NALF1: variants seen among roughly 807,000 people sequenced by gnomAD.
NALF1 encodes the protein NALCN channel auxiliary factor 1, also known as family with sequence similarity 155 member A.
In NALF1, 3 loss-of-function variants were observed where a neutral mutation model predicts 48.4. The observed-to-expected ratio is 0.06, with a 90% CI of 0.03 to 0.16. NALF1 has a LOEUF of 0.16. NALF1 is among the 10% of genes least tolerant of loss of function. The pLI, the probability that NALF1 is intolerant of heterozygous loss-of-function variation, is 1.00. For missense variants in NALF1, 526 were observed against 571.5 expected, an observed-to-expected ratio of 0.92 and a Z score of 0.81; for synonymous variants, 262 against 245.7, an observed-to-expected ratio of 1.07 and a Z score of -0.62.
intron 1 of NALF1, among the ~76,000 whole-genome samples, chr13:107,832,903 C>T (rs927960498): frequency 4.6e-5 from 7 of 152,298 alleles, no homozygotes; most frequent in African/African-American, 1.4e-4. Context: ...CAGTAGTTTC[C>T]CAATGCCCTT....
chr13:107,497,211 A>T (rs927006716), intron 1 of NALF1, among the ~76,000 whole-genome samples: 3 of 152,204 alleles, frequency 2.0e-5, no homozygotes, highest in Non-Finnish European at 4.4e-5. Flanking sequence ...ATATCTCAGA[A>T]CATGAATGAA....
At chr13:107,685,237 C>T (rs1881406828) in intron 1 of NALF1, among the ~76,000 whole-genome samples, 1 of 152,048 alleles carries the variant, frequency 6.6e-6, no homozygotes, top group African/African-American at 2.4e-5. Context: ...TTGCTTGAAC[C>T]CAGGAAGCCG....
At chr13:107,707,366 G>A (rs61966030) in intron 1 of NALF1, among the ~76,000 whole-genome samples, 11,937 of 152,238 alleles carry the variant, frequency 0.078, 526 homozygotes, top group South Asian at 0.14. Flanking sequence ...TAGATTTTAT[G>A]TGCAATAGGA....
chr13:107,176,295 CA>C, intron 2 of NALF1, among the ~76,000 whole-genome samples: 1 of 145,936 alleles, frequency 6.9e-6, no homozygotes, highest in African/African-American at 2.5e-5. Context: ...TGCTGTTTGA[CA>C]TTACAGTACC....
chr13:107,404,623 A>G (rs1268768574), intron 1 of NALF1, among the ~76,000 whole-genome samples: 2 of 152,098 alleles, frequency 1.3e-5, no homozygotes, highest in African/African-American at 4.8e-5. Context: ...GATGTCAGAG[A>G]TGATATTAGA....
At chr13:107,774,139 T>C (rs1382990732) in intron 1 of NALF1, among the ~76,000 whole-genome samples, 1 of 152,226 alleles carries the variant, frequency 6.6e-6, no homozygotes, top group African/African-American at 2.4e-5. Flanking sequence ...TTTCTCTTGA[T>C]ATTTCCAATG....
chr13:107,279,043 C>T (rs373086767), intron 1 of NALF1, among the ~76,000 whole-genome samples: 21 of 122,906 alleles, frequency 1.7e-4, no homozygotes, highest in South Asian at 2.7e-4. Context: ...TTCTTTTCTT[C>T]TTTTTTTTTT....
At chr13:107,227,201 G>A (rs982116525) in intron 1 of NALF1, among the ~76,000 whole-genome samples, 1 of 152,152 alleles carries the variant, frequency 6.6e-6, no homozygotes, top group Non-Finnish European at 1.5e-5. Context: ...CATGATACCC[G>A]CATTTCGGCT....
At chr13:107,540,049 T>TACACACACACACAC (rs143201791) in intron 1 of NALF1, among the ~76,000 whole-genome samples, 5,691 of 149,326 alleles carry the variant, frequency 0.038, 254 homozygotes, top group African/African-American at 0.11. Flanking sequence ...GCTTCTGATG[T>TACACACACACACAC]ACACACACAC....
At chr13:107,737,734 C>T (rs553263783) in intron 1 of NALF1, among the ~76,000 whole-genome samples, 8 of 152,228 alleles carry the variant, frequency 5.3e-5, no homozygotes, top group South Asian at 4.1e-4. Flanking sequence ...TTCTGCATTT[C>T]GTAGGAGCAT....
intron 1 of NALF1, among the ~76,000 whole-genome samples, chr13:107,396,564 G>A (rs1883716415): frequency 6.6e-6 from 1 of 152,196 alleles, no homozygotes; most frequent in South Asian, 2.1e-4. Context: ...GGACAGCCAT[G>A]ACAGCAAATG....
chr13:107,375,791 G>T (rs1029568126), intron 1 of NALF1, among the ~76,000 whole-genome samples: 1 of 152,092 alleles, frequency 6.6e-6, no homozygotes, highest in African/African-American at 2.4e-5. Context: ...GTTCTAGAGA[G>T]GATTCAGAGA....
At chr13:107,505,086 A>T (rs993971874) in intron 1 of NALF1, among the ~76,000 whole-genome samples, 1 of 152,206 alleles carries the variant, frequency 6.6e-6, no homozygotes, top group Non-Finnish European at 1.5e-5. Flanking sequence ...AGGGGCAGGG[A>T]TTAGAGATGA....
chr13:107,684,071 G>A (rs1594205524), intron 1 of NALF1, among the ~76,000 whole-genome samples: 1 of 152,218 alleles, frequency 6.6e-6, no homozygotes, highest in Non-Finnish European at 1.5e-5. Flanking sequence ...TGCACCTCAG[G>A]CCACAGCCCT....
intron 1 of NALF1, among the ~76,000 whole-genome samples, chr13:107,266,381 G>A (rs559238193): frequency 6.6e-6 from 1 of 152,332 alleles, no homozygotes; most frequent in South Asian, 2.1e-4. Context: ...TGAGTGCTCT[G>A]TGTACACCCC....
intron 1 of NALF1, among the ~76,000 whole-genome samples, chr13:107,684,172 G>T (rs1004019204): frequency 2.6e-5 from 4 of 152,162 alleles, no homozygotes; most frequent in African/African-American, 9.7e-5. Flanking sequence ...CCAACCTCCA[G>T]CACCCGCAGG....
At chr13:107,231,122 T>C (rs758501751) in intron 1 of NALF1, among the ~76,000 whole-genome samples, 104 of 150,350 alleles carry the variant, frequency 6.9e-4, no homozygotes, top group Non-Finnish European at 1.2e-3. Flanking sequence ...GCTGTGGTTC[T>C]AGATACAAGC....
At chr13:107,382,013 C>T (rs1883448843) in intron 1 of NALF1, among the ~76,000 whole-genome samples, 1 of 152,188 alleles carries the variant, frequency 6.6e-6, no homozygotes, top group South Asian at 2.1e-4. Context: ...TCTTTTTCTT[C>T]TACCTCTCAC....
chr13:107,838,016 G>A (rs142724130), intron 1 of NALF1, among the ~76,000 whole-genome samples: 1 of 152,246 alleles, frequency 6.6e-6, no homozygotes, highest in African/African-American at 2.4e-5. Context: ...CTCGAAATGT[G>A]AGTAAAAGCG....
Sources: gnomAD v4.1 joint callset for allele counts (sites outside exome capture counted in the v4.1 genomes callset) on GRCh38, gnomAD v4.1.1 for gene constraint, MANE v1.5 for transcripts, NCBI Gene and HGNC (gene_info 2026-07-23, HGNC 2026-07-21) for gene names.